The following DENND1B variants were observed in gnomAD, a reference collection of about 807,000 sequenced individuals.
DENND1B encodes DENN domain containing 1B.
Under a neutral mutation model 90.1 loss-of-function variants are expected in DENND1B, and 59 were observed. The observed-to-expected ratio is 0.65, with a 90% CI of 0.53 to 0.81. The LOEUF (loss-of-function observed/expected upper bound fraction) is 0.81, where lower values mean the gene tolerates loss of function less well. Ranked by LOEUF, DENND1B falls within the 40% of genes least tolerant of loss-of-function variation. The pLI is 0.00. For missense variants in DENND1B, 862 were observed against 912.6 expected (o/e 0.94, Z 0.71); for synonymous variants, 337 against 324.6 (o/e 1.04, Z -0.41).
At chr1:197,586,967 A>G (rs1389634669) in intron 14 of DENND1B, among the ~76,000 whole-genome samples, 2 of 152,168 alleles carry the variant, frequency 1.3e-5, no homozygotes, top group East Asian at 3.9e-4. Context: ...AGGCACTCCC[A>G]TTTAGCTAAG....
chr1:197,724,240 T>C (rs1169013153), intron 2 of DENND1B, among the ~76,000 whole-genome samples: 1 of 152,090 alleles, frequency 6.6e-6, no homozygotes, highest in Non-Finnish European at 1.5e-5. Flanking sequence ...ACATTAAGAA[T>C]AACTGCTAAA....
At chr1:197,772,560 C>T (rs752065698) in intron 2 of DENND1B, among the ~76,000 whole-genome samples, 24 of 152,218 alleles carry the variant, frequency 1.6e-4, no homozygotes, top group Non-Finnish European at 1.8e-4. Flanking sequence ...CAGTGGCTCA[C>T]GCCTGTAATC....
intron 2 of DENND1B, among the ~76,000 whole-genome samples, chr1:197,751,495 ACT>A (rs1653496635): frequency 6.6e-6 from 1 of 152,170 alleles, no homozygotes; most frequent in Admixed American, 6.5e-5. Flanking sequence ...AAAAATTAAC[ACT>A]CTAAACTTCC....
In DENND1B at chr1:197,647,131, G is replaced by GA; in HGVS notation, c.448-18dup. Reference sequence around the variant, plus strand: ...CTCTTGGTTCTTATAATACATGAGAGAAAAAAATGAATATTTTACTTTCAT... The same window carrying GA: ...CTCTTGGTTCTTATAATACATGAGAGAAAAAAAATGAATATTTTACTTTCAT... On this transcript the variant is annotated splice_polypyrimidine_tract_variant and intron_variant, in intron 7 of 22. Transcript: ENST00000620048. The GA allele has an allele frequency of 2.1e-6, 3 of 1,408,468 alleles. No individual in the cohort carries two copies. The highest frequency in any genetic ancestry group is 1.7e-5 in the South Asian group (1 of 60,214). 87.2% of individuals were successfully genotyped at this position (1,408,468 alleles called of 1,614,324 possible). A position where few individuals can be genotyped will look rare whatever the true frequency, so the allele number is the denominator to read the frequency against.
In DENND1B at chr1:197,547,282, A is replaced by T. The variant is rs906695443; in HGVS notation, c.1241-509T>A. Among the ~76,000 whole-genome samples the T allele has an allele frequency of 4.7e-5, 7 of 150,286 alleles. No individual in the cohort carries two copies. The East Asian group carries it at 9.7e-4, about 21-fold the overall frequency. On this transcript the variant is annotated intron_variant, in intron 16 of 22. Coordinates refer to ENST00000620048, the MANE Select transcript of DENND1B (RefSeq NM_001195215.2). ...GACCCCATCTCTTTTTTTTTTTTTT[A>T]AAGTCCCAGTGGCTACTCAGACACT...
chr1:197,713,800 AT>A (rs1461964457), intron 3 of DENND1B, among the ~76,000 whole-genome samples: 523 of 23,878 alleles, frequency 0.022, 9 homozygotes, highest in African/African-American at 0.049. Context: ...ATATTATTAT[AT>A]TATAATATAT....
intron 17 of DENND1B, among the ~76,000 whole-genome samples, chr1:197,546,365 A>T (rs577860157): frequency 1.3e-3 from 200 of 152,278 alleles, no homozygotes; most frequent in Non-Finnish European, 2.0e-3. Flanking sequence ...TCTGGGGGAG[A>T]AAGTTTCATA....
intron 20 of DENND1B, among the ~76,000 whole-genome samples, chr1:197,527,224 AT>A (rs1042288232): frequency 2.6e-5 from 4 of 151,328 alleles, no homozygotes; most frequent in South Asian, 2.1e-4. Flanking sequence ...TTTAGGCAGT[AT>A]TTTTTTTATG....
At chr1:197,732,450 G>A (rs1662235634) in intron 2 of DENND1B, among the ~76,000 whole-genome samples, 2 of 151,870 alleles carry the variant, frequency 1.3e-5, no homozygotes, top group South Asian at 4.2e-4. Flanking sequence ...CTCATTTTCT[G>A]TCATGGTAAA....
chr1:197,735,965 GGCT>G (rs1662638051), intron 2 of DENND1B: 10 of 1,344,888 alleles, frequency 7.4e-6, no homozygotes, highest in Non-Finnish European at 1.1e-5. Flanking sequence ...AAGGTATCAG[GGCT>G]GCTAAGGAAG....
intron 6 of DENND1B, among the ~76,000 whole-genome samples, chr1:197,654,439 G>A (rs756004460): frequency 2.6e-5 from 4 of 151,872 alleles, no homozygotes; most frequent in Non-Finnish European, 4.4e-5. Context: ...GTGAAACCGC[G>A]TCTCTACTAA....
chr1:197,571,777 T>C (rs1673174833), intron 15 of DENND1B, among the ~76,000 whole-genome samples: 1 of 152,158 alleles, frequency 6.6e-6, no homozygotes, highest in Non-Finnish European at 1.5e-5. Context: ...ACAAATAAAA[T>C]GTGTTCAAAC....
At chr1:197,628,244 C>T (rs1192694320) in intron 10 of DENND1B, among the ~76,000 whole-genome samples, 4 of 152,246 alleles carry the variant, frequency 2.6e-5, no homozygotes, top group African/African-American at 9.6e-5. Context: ...AAGAACAAAG[C>T]TGGAGGCATC....
At chr1:197,761,044 A>G (rs1654978611) in intron 2 of DENND1B, among the ~76,000 whole-genome samples, 1 of 152,184 alleles carries the variant, frequency 6.6e-6, no homozygotes, top group African/African-American at 2.4e-5. Flanking sequence ...GAAAGAACCA[A>G]CACATAATCT....
At chr1:197,754,485 C>T (rs1653993322) in intron 2 of DENND1B, among the ~76,000 whole-genome samples, 1 of 151,816 alleles carries the variant, frequency 6.6e-6, no homozygotes, top group African/African-American at 2.4e-5. Flanking sequence ...CCAGGAGTTC[C>T]AGCCTGGGCA....
intron 13 of DENND1B, among the ~76,000 whole-genome samples, chr1:197,601,873 T>G (rs1428715346): frequency 1.3e-5 from 2 of 151,692 alleles, no homozygotes; most frequent in East Asian, 3.9e-4. Flanking sequence ...GTTTATATTT[T>G]CAAAATATAC....
At chr1:197,652,876 T>C (rs1446619156) in intron 6 of DENND1B, among the ~76,000 whole-genome samples, 1 of 152,062 alleles carries the variant, frequency 6.6e-6, no homozygotes, top group Admixed American at 6.6e-5. Flanking sequence ...TTCATAGGAT[T>C]TGTATAATAA....
intron 20 of DENND1B, among the ~76,000 whole-genome samples, chr1:197,535,800 T>C (rs1198970536): frequency 6.6e-6 from 1 of 152,172 alleles, no homozygotes; most frequent in East Asian, 1.9e-4. Context: ...GAAGAATTAA[T>C]GCCTGGTCCA....
At position 197,715,080 on chromosome 1, in the gene DENND1B, A is replaced by G. The variant is rs1571470647; in HGVS notation, c.83-6T>C. ...TTTCCACAATACCACAGGATCTGTA[A>G]ATAATTGACATGTATAATTAAACAG... On this transcript the variant is annotated splice_polypyrimidine_tract_variant and splice_region_variant and intron_variant, in intron 2 of 22. Coordinates refer to ENST00000620048, the MANE Select transcript of DENND1B (RefSeq NM_001195215.2). The G allele has an allele frequency of 1.2e-6, 2 of 1,609,382 alleles. No homozygotes were observed. Among genetic ancestry groups the G allele is most frequent in the Non-Finnish European group, 1.7e-6 (2 of 1,176,940 alleles).
Sources: allele counts gnomAD v4.1 joint callset (sites outside exome capture counted in the v4.1 genomes callset), GRCh38; gene constraint gnomAD v4.1.1; transcripts MANE v1.5; gene names NCBI Gene and HGNC (gene_info 2026-07-23, HGNC 2026-07-21).